The following PTPRO variants were observed in gnomAD, a reference collection of about 807,000 sequenced individuals.
The protein encoded by PTPRO is receptor-type tyrosine-protein phosphatase O.
Under a neutral mutation model 145.2 loss-of-function variants are expected in PTPRO, and 62 were observed. The observed-to-expected ratio is 0.43, with a 90% CI of 0.35 to 0.53. PTPRO has a LOEUF of 0.53. Among genes scored for constraint, PTPRO ranks in the 20% least tolerant of loss-of-function variants. The pLI, the probability that PTPRO is intolerant of heterozygous loss-of-function variation, is 0.01. For missense variants in PTPRO, 1,345 were observed against 1,482.7 expected (o/e 0.91, Z 1.53); for synonymous variants, 565 against 514.7 (o/e 1.10, Z -1.32).
intron 1 of PTPRO, among the ~76,000 whole-genome samples, chr12:15,426,233 C>G (rs963486982): frequency 6.6e-6 from 1 of 151,556 alleles, no homozygotes; most frequent in Non-Finnish European, 1.5e-5. Context: ...TGCTGATATA[C>G]AGAAAAACTA....
chr12:15,337,424 G>A (rs562426342), intron 1 of PTPRO: 1 of 152,252 alleles, frequency 6.6e-6, no homozygotes, highest in Non-Finnish European at 1.5e-5. Context: ...GACAGAAGAC[G>A]CAAATCAGCC....
chr12:15,483,873 T>A, intron 1 of PTPRO, 101 bp from the exon 2 acceptor site: 1 of 1,294,626 alleles, frequency 7.7e-7, no homozygotes, highest in Admixed American at 1.8e-5. Context: ...ATAACTAATG[T>A]TTATGATACA....
chr12:15,422,921 A>C (rs1292811918), intron 1 of PTPRO, among the ~76,000 whole-genome samples: 2 of 152,210 alleles, frequency 1.3e-5, no homozygotes, highest in African/African-American at 4.8e-5. Context: ...TGAGATTGTC[A>C]CATCTATCAA....
chr12:15,411,324 T>C (rs1939792443), intron 1 of PTPRO, among the ~76,000 whole-genome samples: 1 of 152,220 alleles, frequency 6.6e-6, no homozygotes, highest in Non-Finnish European at 1.5e-5. Flanking sequence ...AGGCTATTAT[T>C]TTATGTGAAA....
At chr12:15,323,224 C>A (rs1191633376) in intron 1 of PTPRO, among the ~76,000 whole-genome samples, 1 of 152,158 alleles carries the variant, frequency 6.6e-6, no homozygotes, top group East Asian at 1.9e-4. Flanking sequence ...GAATTATACA[C>A]TGGAGAGTGG....
intron 1 of PTPRO, among the ~76,000 whole-genome samples, chr12:15,447,156 T>C (rs1242165978): frequency 6.6e-6 from 1 of 152,142 alleles, no homozygotes; most frequent in Non-Finnish European, 1.5e-5. Context: ...TCATTGGTTC[T>C]GACCACACAA....
intron 1 of PTPRO, among the ~76,000 whole-genome samples, chr12:15,359,464 G>A (rs1179183867): frequency 7.6e-6 from 1 of 131,260 alleles, no homozygotes; most frequent in Non-Finnish European, 1.5e-5. Context: ...TCACTCTGTC[G>A]GCAGGGCTGG....
chr12:15,510,260 G>A (rs913264662), intron 7 of PTPRO, among the ~76,000 whole-genome samples: 1 of 152,106 alleles, frequency 6.6e-6, no homozygotes, highest in East Asian at 1.9e-4. Flanking sequence ...TGAGAATGAG[G>A]TGCCCCTTGA....
chr12:15,480,180 T>G (rs1005956179), intron 1 of PTPRO, among the ~76,000 whole-genome samples: 19 of 152,344 alleles, frequency 1.2e-4, no homozygotes, highest in African/African-American at 4.1e-4. Context: ...TTTTACCCTT[T>G]CATTCATTAT....
At chr12:15,378,816 G>A (rs1938766774) in intron 1 of PTPRO, among the ~76,000 whole-genome samples, 1 of 152,124 alleles carries the variant, frequency 6.6e-6, no homozygotes, top group African/African-American at 2.4e-5. Flanking sequence ...TCTGTATCTT[G>A]AATATGTAAA....
At chr12:15,404,700 T>C (rs1397183458) in intron 1 of PTPRO, among the ~76,000 whole-genome samples, 1 of 152,230 alleles carries the variant, frequency 6.6e-6, no homozygotes, top group Non-Finnish European at 1.5e-5. Flanking sequence ...AAATGACTCA[T>C]GTTTGGTAGA....
chr12:15,590,504 C>T (rs1414401496), intron 25 of PTPRO, among the ~76,000 whole-genome samples: 2 of 152,296 alleles, frequency 1.3e-5, no homozygotes, highest in East Asian at 3.9e-4. Flanking sequence ...TGGTCTTCCT[C>T]ATGCTTTTCC....
intron 1 of PTPRO, among the ~76,000 whole-genome samples, chr12:15,332,067 G>C (rs953680374): frequency 2.0e-5 from 3 of 148,078 alleles, no homozygotes; most frequent in African/African-American, 7.4e-5. Context: ...CCAGGTTCAA[G>C]CAATTCTCCT....
chr12:15,441,743 G>T (rs565727530), intron 1 of PTPRO, among the ~76,000 whole-genome samples: 1 of 152,094 alleles, frequency 6.6e-6, no homozygotes, highest in East Asian at 1.9e-4. Flanking sequence ...ACAAAAACTA[G>T]AAAATCTAGA....
chr12:15,356,600 C>G (rs1049954089), intron 1 of PTPRO, among the ~76,000 whole-genome samples: 4 of 152,142 alleles, frequency 2.6e-5, no homozygotes, highest in African/African-American at 9.7e-5. Flanking sequence ...TCTTCTTCCC[C>G]TTTTCTCTTC....
At chr12:15,512,223 T>C (rs1329518821) in intron 7 of PTPRO, among the ~76,000 whole-genome samples, 2 of 152,172 alleles carry the variant, frequency 1.3e-5, no homozygotes, top group Admixed American at 6.5e-5. Flanking sequence ...CAAGCGATTC[T>C]GTTGCCTCAA....
At chr12:15,437,277 C>T (rs191860296) in intron 1 of PTPRO, among the ~76,000 whole-genome samples, 16 of 151,862 alleles carry the variant, frequency 1.1e-4, no homozygotes, top group South Asian at 2.1e-4. Flanking sequence ...GCATTCAGAG[C>T]GCCTGCTTGC....
chr12:15,335,226 AT>A (rs1419875869), intron 1 of PTPRO, among the ~76,000 whole-genome samples: 1 of 152,074 alleles, frequency 6.6e-6, no homozygotes, highest in African/African-American at 2.4e-5. Flanking sequence ...TGTACTTAAA[AT>A]TCTTAGATTT....
At chr12:15,391,947 G>C (rs1460029100) in intron 1 of PTPRO, among the ~76,000 whole-genome samples, 1 of 152,116 alleles carries the variant, frequency 6.6e-6, no homozygotes, top group Admixed American at 6.6e-5. Context: ...TCGACTGAGT[G>C]CATGTATCAC....
Sources: allele counts gnomAD v4.1 joint callset (sites outside exome capture counted in the v4.1 genomes callset), GRCh38; gene constraint gnomAD v4.1.1; transcripts MANE v1.5; gene names NCBI Gene and HGNC (gene_info 2026-07-23, HGNC 2026-07-21).